Variants in SH3RF3 observed in about 807,000 individuals in gnomAD.
SH3RF3 encodes the protein E3 ubiquitin-protein ligase SH3RF3.
In SH3RF3, 29 loss-of-function variants were observed where a neutral mutation model predicts 66.3. The ratio of observed to expected loss-of-function variants is 0.44; its 90% CI spans 0.33 to 0.60. The LOEUF (loss-of-function observed/expected upper bound fraction) is 0.60, where lower values mean the gene tolerates loss of function less well. Among genes scored for constraint, SH3RF3 ranks in the 20% least tolerant of loss-of-function variants. The probability of loss-of-function intolerance (pLI) is 0.04; values close to 1 mark genes in which losing one functional copy is unlikely to be tolerated. For synonymous variants in SH3RF3, 583 were observed against 532.0 expected (o/e 1.10, Z -1.32); for missense variants, 1,194 against 1,190.9 (o/e 1.00, Z -0.04).
At chr2:109,374,597 TG>T (rs1160779592) in intron 3 of SH3RF3, among the ~76,000 whole-genome samples, 1 of 152,146 alleles carries the variant, frequency 6.6e-6, no homozygotes, top group African/African-American at 2.4e-5. Flanking sequence ...CTTGGGCTAC[TG>T]CACAGGCAGC....
chr2:109,240,477 A>C (rs1470639385), intron 1 of SH3RF3, among the ~76,000 whole-genome samples: 1 of 152,168 alleles, frequency 6.6e-6, no homozygotes, highest in African/African-American at 2.4e-5. Flanking sequence ...GACAAACAAA[A>C]AAACAAACAA....
chr2:109,153,822 C>T (rs2104880355), intron 1 of SH3RF3, among the ~76,000 whole-genome samples: 1 of 152,362 alleles, frequency 6.6e-6, no homozygotes, highest in South Asian at 2.1e-4. Context: ...CTGAGATTTC[C>T]TGCAGACCTG....
At chr2:109,303,919 A>G (rs977230778) in intron 1 of SH3RF3, among the ~76,000 whole-genome samples, 5 of 151,952 alleles carry the variant, frequency 3.3e-5, no homozygotes, top group Admixed American at 2.6e-4. Context: ...CCTTACTATA[A>G]GATATAACCC....
At chr2:109,210,047 T>C (rs1678936254) in intron 1 of SH3RF3, among the ~76,000 whole-genome samples, 1 of 152,050 alleles carries the variant, frequency 6.6e-6, no homozygotes, top group Non-Finnish European at 1.5e-5. Context: ...GACCGCAGAG[T>C]CAAACAGTAT....
In SH3RF3 at chr2:109,490,517, A is replaced by G. The variant is rs530768055; in HGVS notation, c.2149-88A>G. ...ATAAGAAATTTAAAAATAAAGTTCC[A>G]CATAGGAAGATGCATTCCCCTCTCT... On this transcript the variant is annotated intron_variant, in intron 8 of 9. Transcript: ENST00000309415. The G allele has an allele frequency of 4.6e-6, 5 of 1,091,462 alleles. No homozygotes were observed. In the African/African-American group the frequency reaches 6.4e-5, roughly 14 times the overall value. The allele number at this position is 1,091,462 out of a possible 1,614,324, so 67.6% of individuals were successfully genotyped here. A position where few individuals can be genotyped will look rare whatever the true frequency, so the allele number is the denominator to read the frequency against.
intron 1 of SH3RF3, among the ~76,000 whole-genome samples, chr2:109,190,728 C>T (rs1486233807): frequency 6.6e-6 from 1 of 152,078 alleles, no homozygotes; most frequent in Non-Finnish European, 1.5e-5. Context: ...TGTTGGGTGT[C>T]TCCCTTCTTT....
At chr2:109,268,498 G>A (rs994454240) in intron 1 of SH3RF3, among the ~76,000 whole-genome samples, 1 of 152,166 alleles carries the variant, frequency 6.6e-6, no homozygotes, top group African/African-American at 2.4e-5. Flanking sequence ...GGCCTCCCAA[G>A]CAACCTCTGT....
intron 5 of SH3RF3, among the ~76,000 whole-genome samples, chr2:109,426,174 G>T (rs994448125): frequency 6.6e-6 from 1 of 152,194 alleles, no homozygotes; most frequent in African/African-American, 2.4e-5. Flanking sequence ...CTCCCAAAGC[G>T]CTGGGATTAC....
At chr2:109,154,744 T>G (rs189828667) in intron 1 of SH3RF3, among the ~76,000 whole-genome samples, 15 of 152,302 alleles carry the variant, frequency 9.8e-5, no homozygotes, top group African/African-American at 3.6e-4. Context: ...GTAGGGACTT[T>G]GGGCCATCCC....
intron 1 of SH3RF3, among the ~76,000 whole-genome samples, chr2:109,213,389 G>C (rs1161070882): frequency 1.3e-5 from 2 of 152,198 alleles, no homozygotes; most frequent in Non-Finnish European, 2.9e-5. Flanking sequence ...ACGGACCAGG[G>C]CTCCTCAAAC....
chr2:109,208,423 T>C (rs1678892080), intron 1 of SH3RF3, among the ~76,000 whole-genome samples: 1 of 152,196 alleles, frequency 6.6e-6, no homozygotes, highest in Non-Finnish European at 1.5e-5. Flanking sequence ...GAACACTTGC[T>C]GTCTAGGAGC....
chr2:109,161,536 A>G (rs187520851), intron 1 of SH3RF3, among the ~76,000 whole-genome samples: 6 of 151,826 alleles, frequency 4.0e-5, no homozygotes, highest in Admixed American at 3.9e-4. Flanking sequence ...AACATGTCTT[A>G]GTCTAGCACC....
intron 1 of SH3RF3, among the ~76,000 whole-genome samples, chr2:109,233,705 C>T (rs1023376839): frequency 1.3e-5 from 2 of 152,194 alleles, no homozygotes; most frequent in East Asian, 1.9e-4. Context: ...CCTTTTGGCT[C>T]GGAATATTCA....
In SH3RF3 at chr2:109,446,277, T is replaced by C. The variant is rs536503153; in HGVS notation, c.1829-2893T>C. On this transcript the variant is annotated intron_variant, in intron 7 of 9. Transcript: ENST00000309415. The stretch of plus-strand genomic sequence containing the variant: ...GGAAGTGACATGGCTGGGGTTCTTT[T>C]TTCCTCAGAGACTCACTCTTTTATT... Among the ~76,000 whole-genome samples, 11 of 152,268 alleles carry C rather than the reference T, an allele frequency of 7.2e-5. No individual in the cohort carries two copies. In the East Asian group the frequency reaches 2.1e-3, roughly 29 times the overall value.
At chr2:109,326,387 C>T (rs1271151681) in intron 1 of SH3RF3, among the ~76,000 whole-genome samples, 1 of 152,014 alleles carries the variant, frequency 6.6e-6, no homozygotes, top group Non-Finnish European at 1.5e-5. Flanking sequence ...TGTAGAAGTA[C>T]ATCCTTACCC....
At chr2:109,249,512 TC>T (rs1558981373) in intron 1 of SH3RF3, among the ~76,000 whole-genome samples, 61 of 46,394 alleles carry the variant, frequency 1.3e-3, no homozygotes, top group Non-Finnish European at 1.6e-3. Flanking sequence ...TTTCTTTCAT[TC>T]TTTCTTTTTC....
At chr2:109,459,476 G>A (rs1355294602) in intron 8 of SH3RF3, among the ~76,000 whole-genome samples, 1 of 152,130 alleles carries the variant, frequency 6.6e-6, no homozygotes, top group East Asian at 1.9e-4. Flanking sequence ...GTCTGGATTG[G>A]GTGGTTATAG....
chr2:109,336,369 A>C (rs529894045), intron 1 of SH3RF3, among the ~76,000 whole-genome samples: 1 of 152,376 alleles, frequency 6.6e-6, no homozygotes, highest in African/African-American at 2.4e-5. Context: ...AATTTCTCAC[A>C]GATAGAACAG....
At chr2:109,321,417 C>T (rs1324230282) in intron 1 of SH3RF3, among the ~76,000 whole-genome samples, 1 of 152,204 alleles carries the variant, frequency 6.6e-6, no homozygotes, top group Non-Finnish European at 1.5e-5. Context: ...TAGTTGAGTT[C>T]AGGGCATACA....
Sources: allele counts gnomAD v4.1 joint callset (sites outside exome capture counted in the v4.1 genomes callset), GRCh38; gene constraint gnomAD v4.1.1; transcripts MANE v1.5; gene names NCBI Gene and HGNC (gene_info 2026-07-23, HGNC 2026-07-21).